Variants in OR7G2 observed in about 807,000 individuals in gnomAD.
The protein encoded by OR7G2 is olfactory receptor family 7 subfamily G member 2.
For synonymous variants in OR7G2, 153 were observed against 152.2 expected, an observed-to-expected ratio of 1.01 and a Z score of -0.04; for missense variants, 362 against 384.0, an observed-to-expected ratio of 0.94 and a Z score of 0.48.
rs180945602 is a variant in OR7G2, at chr19:9,104,612, G to C, written c.-16-1353C>G. 2.4e-3 allele frequency among the ~76,000 whole-genome samples: 362 copies of C among 151,886 alleles called. 4 individuals are homozygous for C. The highest frequency in any genetic ancestry group is 8.5e-3 in the African/African-American group (352 of 41,462). ...GGAGGCCGAGGCGGGCAGATCACGG[G>C]GTCAGGCAATCGAGACCATCCTGGC... On this transcript the variant is annotated intron_variant, in intron 1 of 1. Transcript: ENST00000641081.
intron 1 of OR7G2, among the ~76,000 whole-genome samples, chr19:9,105,562 C>A (rs1204552300): frequency 6.6e-6 from 1 of 152,134 alleles, no homozygotes; most frequent in East Asian, 1.9e-4. Context: ...TAAAAACCCT[C>A]AACAGGCTGT....
chr19:9,103,398 T>C, intron 1 of OR7G2, 139 bp from the exon 2 acceptor site: 2 of 713,510 alleles, frequency 2.8e-6, no homozygotes, highest in South Asian at 3.7e-5. Flanking sequence ...CAGTTTATTC[T>C]TTCACAAGCC....
chr19:9,103,501 CTTTTTTTTTT>C (rs201971532), intron 1 of OR7G2, among the ~76,000 whole-genome samples: 92 of 119,020 alleles, frequency 7.7e-4, no homozygotes, highest in Admixed American at 1.9e-3. Context: ...ATGTGGAAAT[CTTTTTTTTTT>C]TTTTTTTTTT....
chr19:9,106,603 T>G (rs1321048113), intron 1 of OR7G2, among the ~76,000 whole-genome samples: 1 of 150,440 alleles, frequency 6.6e-6, no homozygotes, highest in Non-Finnish European at 1.5e-5. Flanking sequence ...GGTCAGGAGT[T>G]CAAGACCAGC....
At chr19:9,107,025 G>A (rs2050390120) in intron 1 of OR7G2, among the ~76,000 whole-genome samples, 1 of 148,770 alleles carries the variant, frequency 6.7e-6, no homozygotes, top group Non-Finnish European at 1.5e-5. Context: ...AACGTAGTGA[G>A]AACCTGTGTC....
intron 1 of OR7G2, among the ~76,000 whole-genome samples, chr19:9,103,866 GTTT>G (rs74176681): frequency 0.049 from 4,941 of 101,056 alleles, 119 homozygotes; most frequent in South Asian, 0.1. Flanking sequence ...ATGTGGAAAT[GTTT>G]TTTTTTTTTT....
Position 9,102,913 on chromosome 19 carries a change from C to G in OR7G2, c.331G>C (p.Glu111Gln). ...ICFVLFFAGL[E>Q]NCLLAAMAYD... ...GCCATTGCTGCAAGGAGACAATTTT[C>G]CAAGCCAGCAAAAAACAAGACAAAG... Residue 111 changes from glutamate to glutamine, a missense_variant, in exon 2 of 2, where the codon GAA (glutamate) becomes CAA (glutamine). Transcript: ENST00000641081. 6.2e-7 allele frequency: 1 copy of G among 1,614,160 alleles called. No homozygotes were observed. The highest frequency in any genetic ancestry group is 8.5e-7 in the Non-Finnish European group (1 of 1,180,024).
chr19:9,106,033 T>C (rs1461821827), intron 1 of OR7G2, among the ~76,000 whole-genome samples: 2 of 152,092 alleles, frequency 1.3e-5, no homozygotes, highest in Non-Finnish European at 2.9e-5. Flanking sequence ...TGCACAGATA[T>C]ATTCATTTTT....
chr19:9,104,992 A>G (rs574894657), intron 1 of OR7G2, among the ~76,000 whole-genome samples: 15 of 145,940 alleles, frequency 1.0e-4, no homozygotes, highest in Admixed American at 2.1e-4. Flanking sequence ...TTTTTTCGAG[A>G]TGGAGTCTTG....
At chr19:9,106,798 C>G (rs1407692777) in intron 1 of OR7G2, among the ~76,000 whole-genome samples, 1 of 148,440 alleles carries the variant, frequency 6.7e-6, no homozygotes, top group Non-Finnish European at 1.5e-5. Context: ...GATTTTTTTT[C>G]CCTTCCCTAG....
chr19:9,104,057 T>TC (rs1222376785), intron 1 of OR7G2, among the ~76,000 whole-genome samples: 27 of 150,918 alleles, frequency 1.8e-4, no homozygotes, highest in African/African-American at 6.3e-4. Context: ...ATTTTTTTTT[T>TC]CGTATGTTTA....
chr19:9,104,551 G>C (rs1479122613), intron 1 of OR7G2, among the ~76,000 whole-genome samples: 1 of 151,916 alleles, frequency 6.6e-6, no homozygotes, highest in African/African-American at 2.4e-5. Flanking sequence ...TTCTTGGTGG[G>C]GCGTGGTGGC....
rs868191867 is a variant in OR7G2, at chr19:9,102,389, C to T, written c.855G>A (p.Val285=). The T allele has an allele frequency of 6.2e-7, 1 of 1,613,776 alleles. No homozygotes were observed. Among genetic ancestry groups the T allele is most frequent in the East Asian group, 2.2e-5 (1 of 44,884 alleles). Residue 285 remains valine, a synonymous_variant, in exon 2 of 2, where the codon GTG becomes GTA. Transcript: ENST00000641081. ...SVMYSVFPQM[V]NPFIYSLRNK... ...TCCTCAGACTATAGATAAAGGGGTT[C>T]ACCATTTGAGGGAACACAGAATACA...
rs115192981 is a variant in OR7G2, at chr19:9,103,296, T to C, written c.-16-37A>G. ...GATAATAAAATCTGTAAGCAGCAGC[T>C]GCATCGGCATCACTCGAGAACATGA... On this transcript the variant is annotated intron_variant, in intron 1 of 1. Transcript: ENST00000641081. The C allele has an allele frequency of 2.2e-3, 3,573 of 1,611,388 alleles. 68 individuals are homozygous for C. In the African/African-American group the frequency reaches 0.039, roughly 18 times the overall value.
At position 9,102,360 on chromosome 19, in the gene OR7G2, T is replaced by A. The variant is rs2050358836; in HGVS notation, c.884A>T (p.Lys295Met). ...CTTCCTCAAGGTTCCTTTCATGTCC[T>A]TATTCCTCAGACTATAGATAAAGGG... ...VNPFIYSLRN[K>M]DMKGTLRKFI... Residue 295 changes from lysine to methionine, a missense_variant, in exon 2 of 2, where the codon AAG becomes ATG. By Grantham distance (95) the Lys-to-Met change is moderately conservative. Coordinates refer to ENST00000641081, the MANE Select transcript of OR7G2 (RefSeq NM_001005193.2). The A allele has an allele frequency of 1.2e-6, 2 of 1,613,936 alleles. No individual in the cohort carries two copies. Among genetic ancestry groups the A allele is most frequent in the East Asian group, 4.5e-5 (2 of 44,876 alleles).
At position 9,102,270 on chromosome 19, in the gene OR7G2, TAC is replaced by T. The variant is rs745407518; in HGVS notation, c.972_973del (p.Ter325SerfsTer60). 4 of 1,584,848 alleles carry T rather than the reference TAC, an allele frequency of 2.5e-6. No individual in the cohort carries two copies. In the South Asian group the frequency reaches 3.5e-5, roughly 14 times the overall value. Reference sequence around the variant, plus strand: ...CACCAGGAATCCTGTCACTTTGACTTACTCTAGAAACCTGAATCCAAAGCAAA... The same window carrying T: ...CACCAGGAATCCTGTCACTTTGACTTTCTAGAAACCTGAATCCAAAGCAAA... On this transcript the variant is annotated frameshift_variant and stop_lost, in exon 2 of 2. Transcript: ENST00000641081. LOFTEE classifies it high-confidence loss of function.
At position 9,101,881 on chromosome 19, in the gene OR7G2, T is replaced by C; in HGVS notation, c.*388A>G. 1 of 168,814 alleles carries C rather than the reference T, an allele frequency of 5.9e-6. No individual in the cohort carries two copies. Among genetic ancestry groups the C allele is most frequent in the Non-Finnish European group, 1.3e-5 (1 of 78,348 alleles). 10.5% of individuals were successfully genotyped at this position (168,814 alleles called of 1,614,324 possible). A position where few individuals can be genotyped will look rare whatever the true frequency, so the allele number is the denominator to read the frequency against. On this transcript the variant is annotated 3_prime_UTR_variant, in exon 2 of 2. Coordinates refer to ENST00000641081, the MANE Select transcript of OR7G2 (RefSeq NM_001005193.2). ...AAATGTAGTTGGCTTTTATGTCATC[T>C]AGACATTTTAGAAGAACTTGGTGAT...
chr19:9,103,030 A>T lies in OR7G2; in HGVS notation c.214T>A (p.Cys72Ser), dbSNP rs750774404. Residue 72 changes from cysteine to serine, a missense_variant, in exon 2 of 2, where the codon TGT (cysteine) becomes AGT (serine). Transcript: ENST00000641081. ...TTTGGGATCGTGGTTGTGCTTAAAC[A>T]AATGTCCAAAAAGGAGAGATTGGAG... ...FLSNLSFLDI[C>S]LSTTTIPKML... The T allele has an allele frequency of 9.3e-6, 15 of 1,614,054 alleles. No individual in the cohort carries two copies. In the Admixed American group the frequency reaches 1.7e-4, roughly 18 times the overall value.
At chr19:9,105,575 G>A (rs767893207) in intron 1 of OR7G2, among the ~76,000 whole-genome samples, 2 of 152,312 alleles carry the variant, frequency 1.3e-5, no homozygotes, top group South Asian at 2.1e-4. Context: ...CAGGCTGTGC[G>A]TGGTGGTTCA....
Sources: allele counts gnomAD v4.1 joint callset (sites outside exome capture counted in the v4.1 genomes callset), GRCh38; gene constraint gnomAD v4.1.1; transcripts MANE v1.5; gene names NCBI Gene and HGNC (gene_info 2026-07-23, HGNC 2026-07-21).